The following COQ8A variants were observed in gnomAD, a reference collection of about 807,000 sequenced individuals.
COQ8A encodes atypical kinase COQ8A, mitochondrial.
In COQ8A, 51 loss-of-function variants were observed where a neutral mutation model predicts 65.0. The observed-to-expected ratio is 0.78, with a 90% confidence interval of 0.63 to 0.99. The LOEUF (loss-of-function observed/expected upper bound fraction) is 0.99, where lower values mean the gene tolerates loss of function less well. COQ8A is among the 50% of genes least tolerant of loss of function. The pLI is 0.00. For missense variants in COQ8A, 940 were observed against 875.0 expected (o/e 1.07, Z -0.94); for synonymous variants, 371 against 353.2 (o/e 1.05, Z -0.57).
At chr1:226,973,295 C>T (rs1184273263) in intron 4 of COQ8A, among the ~76,000 whole-genome samples, 4 of 152,192 alleles carry the variant, frequency 2.6e-5, no homozygotes, top group African/African-American at 9.7e-5. Flanking sequence ...TCAGGAGCCT[C>T]CTTGGAAAGG....
intron 5 of COQ8A, 100 bp downstream of exon 5, chr1:226,977,623 G>C: frequency 1.5e-6 from 2 of 1,346,896 alleles, no homozygotes; most frequent in East Asian, 5.1e-5. Context: ...TCAGCCAGCT[G>C]GGCCGCATTT....
intron 5 of COQ8A, among the ~76,000 whole-genome samples, chr1:226,978,011 C>T (rs1659356490): frequency 6.6e-6 from 1 of 150,828 alleles, no homozygotes; most frequent in Non-Finnish European, 1.5e-5. Context: ...ACCTCCTGCA[C>T]ACCCACCGAA....
In COQ8A at chr1:226,987,423, G is replaced by A. The variant is rs1660183607; in HGVS notation, c.*686G>A. The A allele has an allele frequency of 6.5e-6, 1 of 152,690 alleles. No homozygotes were observed. The highest frequency in any genetic ancestry group is 6.5e-5 in the Admixed American group (1 of 15,324). The allele number at this position is 152,690 out of a possible 1,614,324, so 9.5% of individuals were successfully genotyped here. A position where few individuals can be genotyped will look rare whatever the true frequency, so the allele number is the denominator to read the frequency against. On this transcript the variant is annotated 3_prime_UTR_variant, in exon 15 of 15. Coordinates refer to ENST00000366777, the MANE Select transcript of COQ8A (RefSeq NM_020247.5). ...GGGACTTCCTTCCTCTGTCCGGAGAGGCACAGGTGTCACCAGTTCCAGCCA... is the reference window on the plus strand; with the variant it reads ...GGGACTTCCTTCCTCTGTCCGGAGAAGCACAGGTGTCACCAGTTCCAGCCA...
chr1:226,955,238 T>C (rs1382922371), intron 1 of COQ8A, among the ~76,000 whole-genome samples: 2 of 151,942 alleles, frequency 1.3e-5, no homozygotes, highest in Non-Finnish European at 2.9e-5. Context: ...GTACTTCCTA[T>C]AGGAGGTACC....
chr1:226,979,391 G>A (rs1180418191), intron 5 of COQ8A, among the ~76,000 whole-genome samples: 1 of 152,238 alleles, frequency 6.6e-6, no homozygotes, highest in Non-Finnish European at 1.5e-5. Context: ...GGCCAGGTAG[G>A]TGCGAGGTCA....
At chr1:226,982,264 TG>T in intron 6 of COQ8A, 115 bp downstream of exon 6, 3 of 1,431,936 alleles carry the variant, frequency 2.1e-6, no homozygotes, top group Non-Finnish European at 2.8e-6. Context: ...GTGAGCAGGC[TG>T]GGGAGAGATC....
At position 226,980,218 on chromosome 1, in the gene COQ8A, C is replaced by T. The variant is rs1212687890; in HGVS notation, c.731-1809C>T. ...CTTTCCTGAGCTGGGGGCACACTGC[C>T]GTAGCCCTGGGCCCATCCCCACTTG... On this transcript the variant is annotated intron_variant, in intron 5 of 14. Transcript: ENST00000366777. Among the ~76,000 whole-genome samples, 4 of 152,240 alleles carry T rather than the reference C, an allele frequency of 2.6e-5. No homozygotes were observed. In the South Asian group the frequency reaches 8.3e-4, roughly 32 times the overall value.
chr1:226,975,685 A>G (rs1659151348), intron 4 of COQ8A, among the ~76,000 whole-genome samples: 1 of 152,142 alleles, frequency 6.6e-6, no homozygotes, highest in Non-Finnish European at 1.5e-5. Flanking sequence ...CACGAGAACA[A>G]CAGCAGCTGC....
At chr1:226,945,662 G>T (rs774385609) in intron 1 of COQ8A, among the ~76,000 whole-genome samples, 6 of 152,226 alleles carry the variant, frequency 3.9e-5, no homozygotes, top group Non-Finnish European at 5.9e-5. Flanking sequence ...CTGCCGCGAT[G>T]CCTGTTGTAG....
At chr1:226,977,813 TACAC>T (rs1033605663) in intron 5 of COQ8A, among the ~76,000 whole-genome samples, 46 of 151,490 alleles carry the variant, frequency 3.0e-4, no homozygotes, top group Non-Finnish European at 4.0e-4. Flanking sequence ...CTGGACACCT[TACAC>T]ACCCCCTGCA....
At chr1:226,944,023 C>T (rs114070446) in intron 1 of COQ8A, among the ~76,000 whole-genome samples, 3,403 of 151,952 alleles carry the variant, frequency 0.022, 143 homozygotes, top group African/African-American at 0.078. Context: ...GGCAGGGAGG[C>T]AGGGGTGTCG....
chr1:226,955,470 T>C (rs1353017565), intron 1 of COQ8A, among the ~76,000 whole-genome samples: 3,050 of 84,278 alleles, frequency 0.036, 194 homozygotes, highest in African/African-American at 0.13. Context: ...CCCTGGCTCC[T>C]ACTCTCCCTG....
At chr1:226,982,552 TG>T in intron 6 of COQ8A, 125 bp from the exon 7 acceptor site, 2 of 1,044,202 alleles carry the variant, frequency 1.9e-6, no homozygotes, top group Non-Finnish European at 2.9e-6. Flanking sequence ...CCTGTCTTTC[TG>T]GCCTCACCCG....
At chr1:226,970,572 G>C (rs1253618688) in intron 4 of COQ8A, among the ~76,000 whole-genome samples, 1 of 152,182 alleles carries the variant, frequency 6.6e-6, no homozygotes, top group East Asian at 1.9e-4. Context: ...GACCGTGCAT[G>C]TTCTCTCTTT....
intron 5 of COQ8A, among the ~76,000 whole-genome samples, chr1:226,978,256 G>A (rs1440622797): frequency 7.3e-5 from 5 of 68,472 alleles, no homozygotes; most frequent in African/African-American, 2.5e-4. Flanking sequence ...TGCTTACACA[G>A]CCTCCGCACC....
In COQ8A at chr1:226,977,477, A is replaced by T. The variant is rs1277330522; in HGVS notation, c.684A>T (p.Ala228=). 2.6e-6 allele frequency: 4 copies of T among 1,567,606 alleles called. No individual in the cohort carries two copies. The South Asian group carries it at 3.5e-5, about 14-fold the overall frequency. ...TGGCCGTGGGCCTGGGCTTCGGGGC[A>T]CTGGCAGAGGTCGCCAAGAAGAGCC... ...GGLAVGLGFG[A]LAEVAKKSLR... Residue 228 remains alanine (A), a synonymous_variant, in exon 5 of 15, where the codon GCA becomes GCT. Transcript: ENST00000366777.
rs185169129 is a variant in COQ8A at position 226,964,854 on chromosome 1, C to T, written c.178-146C>T. 454 of 897,192 alleles carry T rather than the reference C, an allele frequency of 5.1e-4. 3 individuals are homozygous for T. In the African/African-American group the frequency reaches 6.4e-3, roughly 13 times the overall value. 55.6% of individuals were successfully genotyped at this position (897,192 alleles called of 1,614,324 possible). A position where few individuals can be genotyped will look rare whatever the true frequency, so the allele number is the denominator to read the frequency against. ...CCGGCTCCCAGGCTGGGAAGGGTGC[C>T]GGGCCTCAGGTGCAGCACTGTGCCA... On this transcript the variant is annotated intron_variant, in intron 2 of 14. Coordinates refer to ENST00000366777, the MANE Select transcript of COQ8A (RefSeq NM_020247.5).
rs541608991 is a variant in COQ8A at position 226,966,270 on chromosome 1, C to T, written c.655+533C>T. 1.2e-4 allele frequency among the ~76,000 whole-genome samples: 18 copies of T among 152,312 alleles called. 1 individual carries two copies. The South Asian group carries it at 2.5e-3, about 21-fold the overall frequency. On this transcript the variant is annotated intron_variant, in intron 4 of 14. Transcript: ENST00000366777. ...GCCTCCAGCTGCTGCTGTTTAAAGC[C>T]GTTTGTCTGTACTTTGGGGGGTTGA...
chr1:226,962,049 G>C, intron 2 of COQ8A, among the ~76,000 whole-genome samples: 1 of 152,204 alleles, frequency 6.6e-6, no homozygotes, highest in East Asian at 1.9e-4. Context: ...CTAGGTTTCA[G>C]TGTGTGCACT....
Sources: gnomAD v4.1 joint callset for allele counts (sites outside exome capture counted in the v4.1 genomes callset) on GRCh38, gnomAD v4.1.1 for gene constraint, MANE v1.5 for transcripts, NCBI Gene and HGNC (gene_info 2026-07-23, HGNC 2026-07-21) for gene names.